The following MYT1 variants were observed in gnomAD, a reference collection of about 807,000 sequenced individuals.
MYT1 encodes myelin transcription factor 1, also known as myelin transcription factor I.
MYT1 carries 23 observed loss-of-function variants against 123.0 expected under a neutral mutation model. The observed-to-expected ratio is 0.19, with a 90% CI of 0.13 to 0.26. MYT1 has a LOEUF of 0.26. MYT1 is among the 10% of genes least tolerant of loss of function. The pLI is 1.00. For missense variants in MYT1, 1,125 were observed against 1,472.5 expected (o/e 0.76, Z 3.86); for synonymous variants, 518 against 575.3 (o/e 0.90, Z 1.43).
intron 1 of MYT1, among the ~76,000 whole-genome samples, chr20:64,165,453 T>G (rs1982053001): frequency 6.6e-6 from 1 of 152,212 alleles, no homozygotes; most frequent in African/African-American, 2.4e-5. Flanking sequence ...GCTAAGAAGT[T>G]GAACACCCTA....
Position 64,193,989 on chromosome 20 carries a change from C to T in MYT1, c.-1+3829C>T, listed in dbSNP as rs144322114. Reference sequence around the variant, plus strand: ...GAATGCCCGGAACCCCCCAGCTCAGCGTTCCCACATATGGCCTCTCTGCAG... The same window carrying T: ...GAATGCCCGGAACCCCCCAGCTCAGTGTTCCCACATATGGCCTCTCTGCAG... On this transcript the variant is annotated intron_variant, in intron 2 of 22. Coordinates refer to ENST00000328439, the MANE Select transcript of MYT1 (RefSeq NM_004535.3). This position sits in a 1 kb window ranked among gnomAD's most constrained non-coding sequence, Gnocchi z 4.0. Among the ~76,000 whole-genome samples the T allele has an allele frequency of 9.8e-4, 149 of 152,296 alleles. No homozygotes were observed. The highest frequency in any genetic ancestry group is 2.6e-3 in the African/African-American group (109 of 41,560).
chr20:64,219,836 G>C lies in MYT1; in HGVS notation c.2095G>C (p.Asp699His). The change falls in exon 13 of 23, where the codon GAC becomes CAC. Residue 699 changes from aspartate (D) to histidine (H), a missense_variant. This residue lies in a region of MYT1 where 429 missense variants were observed against 604.1 expected (regional missense o/e 0.71). Coordinates refer to ENST00000328439, the MANE Select transcript of MYT1 (RefSeq NM_004535.3). ...CAGCAGCCCCGGTGTGAAGTCTCCCGACGCCTCCCAGCGCCACAGCAGCAC... is the reference window on the plus strand; with the variant it reads ...CAGCAGCCCCGGTGTGAAGTCTCCCCACGCCTCCCAGCGCCACAGCAGCAC... ...CSSSPGVKSP[D>H]ASQRHSSTSA... The C allele has an allele frequency of 6.2e-7, 1 of 1,611,734 alleles. No individual in the cohort carries two copies.
chr20:64,225,081 C>A (rs2320358), intron 16 of MYT1, among the ~76,000 whole-genome samples: 49,821 of 152,116 alleles, frequency 0.33, 8,576 homozygotes, highest in South Asian at 0.43. Context: ...CAGGCAGCCA[C>A]GGCCTCCAGG....
chr20:64,178,422 C>T (rs893254106), intron 1 of MYT1, among the ~76,000 whole-genome samples: 2 of 152,200 alleles, frequency 1.3e-5, no homozygotes, highest in Non-Finnish European at 1.5e-5. Flanking sequence ...CGTCTGAAGT[C>T]GTTTTTAGCA....
intron 4 of MYT1, among the ~76,000 whole-genome samples, chr20:64,204,140 TAC>T (rs1404147103): frequency 1.3e-5 from 2 of 152,196 alleles, no homozygotes; most frequent in African/African-American, 4.8e-5. Context: ...ACTCTGGCCT[TAC>T]ACTCCACACT....
rs772781982 is a variant in MYT1, at chr20:64,205,812, CTCTT to C, written c.397+17_397+20del. ...CGAGACAGCTGAAGGTGCTTTGTCG[CTCTT>C]TCTTCCCCGAATAAAGGGCGCTTAG... On this transcript the variant is annotated intron_variant, in intron 6 of 22. Coordinates refer to ENST00000328439, the MANE Select transcript of MYT1 (RefSeq NM_004535.3). 5 of 1,612,048 alleles carry C rather than the reference CTCTT, an allele frequency of 3.1e-6. No individual in the cohort carries two copies. In the South Asian group the frequency reaches 5.5e-5, roughly 18 times the overall value.
chr20:64,218,918 C>T lies in MYT1; in HGVS notation c.1854C>T (p.Asp618=), dbSNP rs1229220606. Residue 618 remains aspartate, a synonymous_variant, in exon 12 of 23, where the codon GAC becomes GAT. Coordinates refer to ENST00000328439, the MANE Select transcript of MYT1 (RefSeq NM_004535.3). The surrounding 1 kb of genome is among the most constrained non-coding windows in gnomAD (Gnocchi z 4.0). The part of the protein sequence containing the change: ...ETSPKAFQCF[D]YSQDAEAAHM... Reference sequence around the variant, plus strand: ...CTTCATCCTCTTCTGCAGGCTTTGACTACTCGCAGGACGCCGAGGCTGCAC... The same window carrying T: ...CTTCATCCTCTTCTGCAGGCTTTGATTACTCGCAGGACGCCGAGGCTGCAC... 1 of 1,613,668 alleles carries T rather than the reference C, an allele frequency of 6.2e-7. No individual in the cohort carries two copies. Among genetic ancestry groups the T allele is most frequent in the East Asian group, 2.2e-5 (1 of 44,886 alleles).
At position 64,232,120 on chromosome 20, in the gene MYT1, C is replaced by T. The variant is rs780994195; in HGVS notation, c.2676-44C>T. 3 of 1,596,362 alleles carry T rather than the reference C, an allele frequency of 1.9e-6. No individual in the cohort carries two copies. The African/African-American group carries it at 4.0e-5, about 21-fold the overall frequency. On this transcript the variant is annotated intron_variant, in intron 18 of 22. Transcript: ENST00000328439. This position sits in a 1 kb window ranked among gnomAD's most constrained non-coding sequence, Gnocchi z 6.9. ...TGAGAGAGTCTCCAGGCTTCTCCTC[C>T]CAACCCTTCGCCCCTGTACTCACCC...
Position 64,213,376 on chromosome 20 carries a change from G to T in MYT1, c.1518-158G>T, listed in dbSNP as rs775073020. ...CCAGAGAGAAAACCCCTGTCCTGCAGAATGACAGGGTTATTCCCGGCTCTG... is the reference window on the plus strand; with the variant it reads ...CCAGAGAGAAAACCCCTGTCCTGCATAATGACAGGGTTATTCCCGGCTCTG... On this transcript the variant is annotated intron_variant, in intron 9 of 22. Transcript: ENST00000328439. The surrounding 1 kb of genome is among the most constrained non-coding windows in gnomAD (Gnocchi z 5.6). 6.6e-6 allele frequency among the ~76,000 whole-genome samples: 1 copy of T among 152,188 alleles called. No homozygotes were observed. The highest frequency in any genetic ancestry group is 1.5e-5 in the Non-Finnish European group (1 of 68,034).
rs57540237 is a variant in MYT1 at position 64,240,238 on chromosome 20, A to G, written c.3238-82A>G. ...CTTGTCTCAGGTCACGTGGGGACAT[A>G]GGTTTGATGCTCCCACATCAGGCTC... On this transcript the variant is annotated intron_variant, in intron 22 of 22. Coordinates refer to ENST00000328439, the MANE Select transcript of MYT1 (RefSeq NM_004535.3). 5,170 of 1,556,756 alleles carry G rather than the reference A, an allele frequency of 3.3e-3. 174 individuals are homozygous for G. In the African/African-American group the frequency reaches 0.063, roughly 19 times the overall value.
rs184311311 is a variant in MYT1, at chr20:64,169,075, C to T, written c.-99+4336C>T. 9.9e-5 allele frequency among the ~76,000 whole-genome samples: 15 copies of T among 152,280 alleles called. No individual in the cohort carries two copies. The East Asian group carries it at 2.9e-3, about 29-fold the overall frequency. ...AGAGGAGGAGCGTGAGAAGAGGGGG[C>T]CCTGGGTCAAGGCGGTTGGAGCCTC... On this transcript the variant is annotated intron_variant, in intron 1 of 22. Coordinates refer to ENST00000328439, the MANE Select transcript of MYT1 (RefSeq NM_004535.3).
intron 6 of MYT1, among the ~76,000 whole-genome samples, chr20:64,206,837 G>A (rs1013291234): frequency 1.3e-5 from 2 of 152,220 alleles, no homozygotes; most frequent in East Asian, 1.9e-4. Context: ...ACTGTGGGAC[G>A]TGCTGGCCCA....
rs771650598 is a variant in MYT1 at position 64,207,628 on chromosome 20, C to A, written c.432C>A (p.Asn144Lys). The A allele has an allele frequency of 6.8e-6, 11 of 1,613,734 alleles. No homozygotes were observed. The Admixed American group carries it at 1.7e-4, about 24-fold the overall frequency. ...CCGTCAAGTCCCATTTTGGATCCAACCCCATCGGCAGCGCCACTGCCTCCT... is the reference window on the plus strand; with the variant it reads ...CCGTCAAGTCCCATTTTGGATCCAAACCCATCGGCAGCGCCACTGCCTCCT... The part of the protein sequence containing the change: ...RSPVKSHFGS[N>K]PIGSATASSK... Residue 144 changes from asparagine (N) to lysine (K), a missense_variant, in exon 7 of 23, where the codon AAC (asparagine) becomes AAA (lysine). Physicochemically the swap from Asn to Lys is moderately conservative, Grantham distance 94. Around this residue, in one of 4 missense-constraint regions of MYT1, gnomAD observed 406 missense variants for 432.2 expected, o/e 0.94. Coordinates refer to ENST00000328439, the MANE Select transcript of MYT1 (RefSeq NM_004535.3).
chr20:64,238,084 T>C (rs1984605490), intron 21 of MYT1, among the ~76,000 whole-genome samples: 1 of 151,700 alleles, frequency 6.6e-6, no homozygotes, highest in South Asian at 2.1e-4. Flanking sequence ...TATTTCCTGA[T>C]TTCCCTAAAA....
intron 10 of MYT1, among the ~76,000 whole-genome samples, chr20:64,214,943 A>G (rs1224368029): frequency 6.6e-6 from 1 of 152,176 alleles, no homozygotes. Context: ...CTGAAGGTGC[A>G]ATTCCCACAC....
At chr20:64,223,993 G>A (rs1984091757) in intron 16 of MYT1, among the ~76,000 whole-genome samples, 2 of 152,204 alleles carry the variant, frequency 1.3e-5, no homozygotes, top group Non-Finnish European at 2.9e-5. Context: ...TAGCTTGCTG[G>A]ACAGTCCTGC....
At chr20:64,224,922 G>A (rs988148065) in intron 16 of MYT1, among the ~76,000 whole-genome samples, 1 of 152,184 alleles carries the variant, frequency 6.6e-6, no homozygotes, top group East Asian at 1.9e-4. Context: ...CACAGTTCGG[G>A]CCTGGAGACA....
intron 1 of MYT1, among the ~76,000 whole-genome samples, chr20:64,177,819 A>G (rs1982515594): frequency 6.6e-6 from 1 of 152,156 alleles, no homozygotes; most frequent in Non-Finnish European, 1.5e-5. Flanking sequence ...TTTCTAGGGC[A>G]TGGGTTCCAC....
chr20:64,237,353 C>T lies in MYT1; in HGVS notation c.3056C>T (p.Ser1019Leu), dbSNP rs143702633. The change falls in exon 21 of 23, where the codon TCG becomes TTG. Residue 1019 changes from serine (S) to leucine (L), a missense_variant. Coordinates refer to ENST00000328439, the MANE Select transcript of MYT1 (RefSeq NM_004535.3). ...ATCCGAGACCTGAACGAGTCCAACT[C>T]GGAGATGGAGGCTGCCATGGTGCAG... The part of the protein sequence containing the change: ...QEIRDLNESN[S>L]EMEAAMVQLQ... 41 of 1,609,406 alleles carry T rather than the reference C, an allele frequency of 2.5e-5. No homozygotes were observed. The highest frequency in any genetic ancestry group is 1.9e-4 in the Admixed American group (11 of 59,428).
Sources: allele counts gnomAD v4.1 joint callset (sites outside exome capture counted in the v4.1 genomes callset), GRCh38; gene constraint gnomAD v4.1.1; regional missense constraint gnomAD v4.1.1; non-coding constraint Gnocchi (gnomAD v3.1); transcripts MANE v1.5; gene names NCBI Gene and HGNC (gene_info 2026-07-23, HGNC 2026-07-21).